FBXO25: variants seen among roughly 807,000 people sequenced by gnomAD.
The protein encoded by FBXO25 is F-box protein 25, also known as F-box only protein 25.
In FBXO25, 45 loss-of-function variants were observed where a neutral mutation model predicts 51.9. That is an observed-to-expected ratio of 0.87 (90% confidence interval 0.68 to 1.11). The LOEUF is 1.11. FBXO25 is among the 50% of genes most tolerant of loss of function. The pLI, the probability that FBXO25 is intolerant of heterozygous loss-of-function variation, is 0.00. For missense variants in FBXO25, 507 were observed against 428.5 expected (o/e 1.18, Z -1.62); for synonymous variants, 199 against 151.0 (o/e 1.32, Z -2.33).
chr8:428,813 GTC>G (rs1410878265), intron 2 of FBXO25, among the ~76,000 whole-genome samples: 5 of 152,168 alleles, frequency 3.3e-5, no homozygotes, highest in African/African-American at 1.2e-4. Context: ...TTTTGTGACT[GTC>G]TTATCTCAGC....
At chr8:415,963 G>A (rs540828201) in intron 2 of FBXO25, among the ~76,000 whole-genome samples, 10 of 152,306 alleles carry the variant, frequency 6.6e-5, no homozygotes, top group African/African-American at 2.2e-4. Context: ...ATAAGAAGTT[G>A]TTCCTTGTCT....
intron 9 of FBXO25, among the ~76,000 whole-genome samples, chr8:464,396 C>T (rs1387819520): frequency 6.6e-6 from 1 of 152,196 alleles, no homozygotes; most frequent in Admixed American, 6.5e-5. Context: ...ATAAGCTGGT[C>T]CTGGAGTGAC....
At position 473,005 on chromosome 8, in the gene FBXO25, G is replaced by C. The variant is rs1226453518; in HGVS notation, c.*4201G>C. ...GCCAAGGGATTAGCAACAGGTAGGA[G>C]GAAAAAGAAGGACCTGCATACATGA... On this transcript the variant is annotated 3_prime_UTR_variant, in exon 10 of 10. Transcript: ENST00000350302. The C allele has an allele frequency of 1.3e-5, 2 of 152,382 alleles. No individual in the cohort carries two copies. Among genetic ancestry groups the C allele is most frequent in the East Asian group, 3.9e-4 (2 of 5,182 alleles). The allele number at this position is 152,382 out of a possible 1,614,324, so 9.4% of individuals were successfully genotyped here.
At chr8:416,645 G>A (rs1796820739) in intron 2 of FBXO25, among the ~76,000 whole-genome samples, 1 of 152,168 alleles carries the variant, frequency 6.6e-6, no homozygotes, top group South Asian at 2.1e-4. Context: ...ATGGGCCGGA[G>A]TCCTACCTCT....
At position 470,848 on chromosome 8, in the gene FBXO25, C is replaced by T. The variant is rs2116879042; in HGVS notation, c.*2044C>T. Reference sequence around the variant, plus strand: ...TTTCCATATATTTATTATCCATTTGCTTTTCTTGTTTTTGGTAAATTACTT... The same window carrying T: ...TTTCCATATATTTATTATCCATTTGTTTTTCTTGTTTTTGGTAAATTACTT... On this transcript the variant is annotated 3_prime_UTR_variant, in exon 10 of 10. Coordinates refer to ENST00000350302, the MANE Select transcript of FBXO25 (RefSeq NM_183420.2). The T allele has an allele frequency of 6.6e-6, 1 of 152,204 alleles. No individual in the cohort carries two copies. 9.4% of individuals were successfully genotyped at this position (152,204 alleles called of 1,614,324 possible). A position where few individuals can be genotyped will look rare whatever the true frequency, so the allele number is the denominator to read the frequency against.
chr8:454,215 C>T (rs1038770515), intron 7 of FBXO25, among the ~76,000 whole-genome samples: 1 of 152,204 alleles, frequency 6.6e-6, no homozygotes, highest in Non-Finnish European at 1.5e-5. Context: ...TTGTAAAGTT[C>T]CTAAGAACAT....
intron 4 of FBXO25, among the ~76,000 whole-genome samples, chr8:434,320 TA>T (rs1797980907): frequency 6.6e-6 from 1 of 152,188 alleles, no homozygotes; most frequent in African/African-American, 2.4e-5. Context: ...TTTCCTGTTG[TA>T]AGATGGGTGG....
intron 8 of FBXO25, among the ~76,000 whole-genome samples, 155 bp downstream of exon 8, chr8:458,706 G>C (rs1160626717): frequency 6.6e-6 from 1 of 152,154 alleles, no homozygotes; most frequent in Non-Finnish European, 1.5e-5. Flanking sequence ...ATTGCTGTGG[G>C]TTCTCTCCTA....
chr8:450,017 T>G lies in FBXO25; in HGVS notation c.409T>G (p.Leu137Val). Residue 137 changes from leucine (L) to valine (V), a missense_variant, in exon 6 of 10, where the codon TTA becomes GTA. By Grantham distance (32) the Leu-to-Val change is conservative. Transcript: ENST00000350302. ...KLLQLIAKSQ[L>V]TSLSGVAQKN... is the part of the protein sequence containing the mutation. Reference sequence around the variant, plus strand: ...GTTGCAGCTAATTGCAAAATCCCAGTTAACTTCATTGAGTGGCGTGGCACA... The same window carrying G: ...GTTGCAGCTAATTGCAAAATCCCAGGTAACTTCATTGAGTGGCGTGGCACA... 6.2e-7 allele frequency: 1 copy of G among 1,611,954 alleles called. No individual in the cohort carries two copies. Among genetic ancestry groups the G allele is most frequent in the Non-Finnish European group, 8.5e-7 (1 of 1,179,310 alleles).
chr8:409,897 C>T (rs1274036289), intron 1 of FBXO25, among the ~76,000 whole-genome samples: 2 of 152,172 alleles, frequency 1.3e-5, no homozygotes, highest in Non-Finnish European at 2.9e-5. Context: ...CTTCTATGAC[C>T]TGGCTTCTAG....
In FBXO25 at chr8:413,173, C is replaced by G; in HGVS notation, c.94C>G (p.Leu32Val). 1.2e-6 allele frequency: 2 copies of G among 1,609,506 alleles called. No homozygotes were observed. Among genetic ancestry groups the G allele is most frequent in the South Asian group, 1.1e-5 (1 of 90,136 alleles). The change falls in exon 2 of 10, where the codon CTT becomes GTT. Residue 32 changes from leucine to valine, a missense_variant. By Grantham distance (32) the Leu-to-Val change is conservative (BLOSUM62 1). Coordinates refer to ENST00000350302, the MANE Select transcript of FBXO25 (RefSeq NM_183420.2). ...WKRCESCSQK[L>V]ERENNRCNIS... ...GAGATGTGAATCTTGTAGTCAGAAACTTGAAAGAGAGAATAACCGTTGTAA... is the reference window on the plus strand; with the variant it reads ...GAGATGTGAATCTTGTAGTCAGAAAGTTGAAAGAGAGAATAACCGTTGTAA...
At chr8:425,512 A>G (rs112806292) in intron 2 of FBXO25, among the ~76,000 whole-genome samples, 5,115 of 151,488 alleles carry the variant, frequency 0.034, 255 homozygotes, top group African/African-American at 0.12. Flanking sequence ...CTACTTAATA[A>G]TATCTGCTTT....
intron 5 of FBXO25, among the ~76,000 whole-genome samples, chr8:448,104 G>C (rs1305018520): frequency 1.3e-5 from 2 of 152,164 alleles, no homozygotes; most frequent in Non-Finnish European, 2.9e-5. Flanking sequence ...GAAAATTACA[G>C]CTGAAGAGAA....
intron 3 of FBXO25, among the ~76,000 whole-genome samples, chr8:432,481 A>G (rs1585038796): frequency 6.6e-6 from 1 of 152,262 alleles, no homozygotes; most frequent in Non-Finnish European, 1.5e-5. Context: ...TGGAGAATAC[A>G]GTTAGTGTGA....
intron 4 of FBXO25, among the ~76,000 whole-genome samples, 180 bp downstream of exon 4, chr8:433,115 T>C (rs568090584): frequency 3.9e-5 from 6 of 152,304 alleles, no homozygotes; most frequent in Middle Eastern, 3.4e-3. Context: ...TGATTTTCCA[T>C]TGTGTGTGCT....
At chr8:415,549 C>G (rs1194520520) in intron 2 of FBXO25, among the ~76,000 whole-genome samples, 1 of 152,086 alleles carries the variant, frequency 6.6e-6, no homozygotes, top group African/African-American at 2.4e-5. Context: ...GAGAGGACAG[C>G]CAGTTAAGGG....
At chr8:468,200 C>G (rs1203727387) in intron 9 of FBXO25, 5 of 1,011,806 alleles carry the variant, frequency 4.9e-6, no homozygotes, top group Non-Finnish European at 5.9e-6. Context: ...ATGGCCAGCT[C>G]CCTTGGAGCA....
intron 2 of FBXO25, among the ~76,000 whole-genome samples, chr8:427,021 G>T (rs1462175502): frequency 6.6e-6 from 1 of 152,044 alleles, no homozygotes; most frequent in African/African-American, 2.4e-5. Flanking sequence ...ATAATACACT[G>T]ATACGAAGTA....
intron 5 of FBXO25, among the ~76,000 whole-genome samples, chr8:437,605 GC>G (rs1332045369): frequency 3.3e-5 from 5 of 152,202 alleles, no homozygotes; most frequent in Non-Finnish European, 1.5e-5. Context: ...ACAAGAAGCA[GC>G]CTTTGTGACT....
Sources: gnomAD v4.1 joint callset for allele counts (sites outside exome capture counted in the v4.1 genomes callset) on GRCh38, gnomAD v4.1.1 for gene constraint, MANE v1.5 for transcripts, NCBI Gene and HGNC (gene_info 2026-07-23, HGNC 2026-07-21) for gene names.